Variants in SCN9A observed in about 807,000 individuals in gnomAD.
SCN9A encodes sodium voltage-gated channel alpha subunit 9.
In SCN9A, 131 loss-of-function variants were observed where a neutral mutation model predicts 187.0. That is an observed-to-expected ratio of 0.70 (90% CI 0.61 to 0.81). The LOEUF is 0.81. SCN9A is among the 30% of genes least tolerant of loss of function. SCN9A has a pLI of 0.00. For missense variants in SCN9A, 2,252 were observed against 2,396.6 expected (o/e 0.94, Z 1.26); for synonymous variants, 809 against 808.6 (o/e 1.00, Z -0.01).
rs755067851 is a variant in SCN9A at position 166,311,498 on chromosome 2, C to T, written c.258+1G>A. 6.5e-6 allele frequency: 10 copies of T among 1,546,360 alleles called. No individual in the cohort carries two copies. The highest frequency in any genetic ancestry group is 4.5e-5 in the East Asian group (2 of 44,134). On this transcript the variant is annotated splice_donor_variant, in intron 2 of 26. Coordinates refer to ENST00000642356, the MANE Select transcript of SCN9A (RefSeq NM_001365536.1). LOFTEE classifies it high-confidence loss of function. ...GACCACTGAAGTCAAAATAAACTCA[C>T]CTTTTTGTCTGCATAGTAGGGGTCC...
chr2:166,281,666 G>T lies in SCN9A; in HGVS notation c.2104+13C>A. The T allele has an allele frequency of 2.5e-6, 4 of 1,610,086 alleles. No individual in the cohort carries two copies. The highest frequency in any genetic ancestry group is 3.4e-6 in the Non-Finnish European group (4 of 1,177,812). ...TTTAAGAATCTGTACAGTAAAAGAA[G>T]ATTATTACATACCTTCCACAGTGTT... is the stretch of plus-strand genomic sequence containing the variant. On this transcript the variant is annotated intron_variant, in intron 13 of 26. Transcript: ENST00000642356.
intron 2 of SCN9A, among the ~76,000 whole-genome samples, chr2:166,308,453 CCCT>C (rs1408802691): frequency 6.6e-6 from 1 of 152,102 alleles, no homozygotes; most frequent in Non-Finnish European, 1.5e-5. Flanking sequence ...TGCGGCATTT[CCCT>C]CCTCTTTCTC....
In SCN9A at chr2:166,238,082, A is replaced by T. The variant is rs1466540026; in HGVS notation, c.3801+12T>A. On this transcript the variant is annotated intron_variant, in intron 20 of 26. Coordinates refer to ENST00000642356, the MANE Select transcript of SCN9A (RefSeq NM_001365536.1). ...ATAAATCCTCTTTTAAAATGTACTC[A>T]AAAGTACCTACATCAACAATTAGGA... 1.2e-6 allele frequency: 2 copies of T among 1,600,802 alleles called. No individual in the cohort carries two copies. Among genetic ancestry groups the T allele is most frequent in the East Asian group, 4.5e-5 (2 of 44,564 alleles).
chr2:166,277,346 G>A lies in SCN9A; in HGVS notation c.2518-7C>T. 6.4e-7 allele frequency: 1 copy of A among 1,574,436 alleles called. No homozygotes were observed. Among genetic ancestry groups the A allele is most frequent in the Non-Finnish European group, 8.7e-7 (1 of 1,149,336 alleles). On this transcript the variant is annotated splice_region_variant and splice_polypyrimidine_tract_variant and intron_variant, in intron 15 of 26. Transcript: ENST00000642356. ...CCAACTTGAAGACTCGGAGCTAAAA[G>A]CAAATATAAAGTTTAATGTTAATCA...
chr2:166,281,558 T>C (rs1388607028), intron 13 of SCN9A, 121 bp downstream of exon 13: 13 of 860,746 alleles, frequency 1.5e-5, no homozygotes, highest in Non-Finnish European at 2.1e-5. Flanking sequence ...TTTACCATCA[T>C]TTAAAACCAT....
chr2:166,220,335 T>C (rs567061878), intron 24 of SCN9A, among the ~76,000 whole-genome samples: 1 of 152,186 alleles, frequency 6.6e-6, no homozygotes. Context: ...TGTGACAGAA[T>C]TGGGAGGTGA....
intron 17 of SCN9A, among the ~76,000 whole-genome samples, chr2:166,270,328 G>A (rs895470270): frequency 1.1e-4 from 16 of 151,862 alleles, no homozygotes; most frequent in Admixed American, 1.1e-3. Context: ...AATTTAAAGT[G>A]TACATATGAG....
intron 19 of SCN9A, among the ~76,000 whole-genome samples, chr2:166,241,634 C>T (rs1030691335): frequency 1.3e-4 from 20 of 152,028 alleles, no homozygotes; most frequent in African/African-American, 3.4e-4. Flanking sequence ...AATTCCTGTT[C>T]GTCTTTCTAG....
chr2:166,288,306 G>A (rs1697880063), intron 10 of SCN9A, 131 bp downstream of exon 10: 2 of 635,340 alleles, frequency 3.1e-6, no homozygotes, highest in African/African-American at 1.8e-5. Context: ...CCAGAAATGA[G>A]GATACAGTTT....
chr2:166,277,272 G>T lies in SCN9A; in HGVS notation c.2585C>A (p.Ser862Ter). The T allele has an allele frequency of 6.2e-7, 1 of 1,614,028 alleles. No individual in the cohort carries two copies. Among genetic ancestry groups the T allele is most frequent in the Non-Finnish European group, 8.5e-7 (1 of 1,179,920 alleles). The change falls in exon 16 of 27, where the codon TCA (serine) becomes TAA (stop). Residue 862 changes from serine to a stop codon, truncating the protein, a stop_gained. Transcript: ENST00000642356. LOFTEE classifies it high-confidence loss of function. ...GGTGAGGTTACCTAGAGCCCCTACT[G>T]AGTTACCAATGATCTTAATCAGCAT... is the stretch of plus-strand genomic sequence containing the variant. Reference protein sequence around the residue: ...LNMLIKIIGNSVGALGNLTLV... With the variant: ...LNMLIKIIGN
chr2:166,265,454 A>G (rs73021676), intron 17 of SCN9A, among the ~76,000 whole-genome samples: 1 of 151,838 alleles, frequency 6.6e-6, no homozygotes, highest in African/African-American at 2.4e-5. Context: ...TTTATTTACG[A>G]TCATTTAGGT....
At chr2:166,218,316 G>A (rs1302753342) in intron 24 of SCN9A, among the ~76,000 whole-genome samples, 2 of 150,676 alleles carry the variant, frequency 1.3e-5, no homozygotes, top group Non-Finnish European at 3.0e-5. Context: ...TGTAAATGAC[G>A]AGTTAATGGG....
At chr2:166,226,544 T>C in intron 24 of SCN9A, 23 bp downstream of exon 24, 2 of 1,481,866 alleles carry the variant, frequency 1.3e-6, no homozygotes, top group South Asian at 1.3e-5. Flanking sequence ...TTCATTACAA[T>C]GAAAAATATT....
At chr2:166,339,328 T>C (rs1699709344) in intron 1 of SCN9A, among the ~76,000 whole-genome samples, 1 of 152,126 alleles carries the variant, frequency 6.6e-6, no homozygotes, top group Non-Finnish European at 1.5e-5. Flanking sequence ...CTCTGATATA[T>C]AATGTATCAC....
At chr2:166,313,087 ATAAT>A (rs1455739025) in intron 1 of SCN9A, among the ~76,000 whole-genome samples, 194 of 148,966 alleles carry the variant, frequency 1.3e-3, no homozygotes, top group African/African-American at 4.6e-3. Context: ...AGTAAATAAT[ATAAT>A]TATTATGTAA....
In SCN9A at chr2:166,272,441, A is replaced by C. The variant is rs963731908; in HGVS notation, c.3309T>G (p.Ala1103=). ...PGESDLENMN[A]EELSSDSDSE... is the part of the protein sequence containing the mutation. Reference sequence around the variant, plus strand: ...TATCCGAATCACTGCTAAGTTCCTCAGCATTCATATTTTCCAAATCGGATT... The same window carrying C: ...TATCCGAATCACTGCTAAGTTCCTCCGCATTCATATTTTCCAAATCGGATT... Residue 1103 remains alanine (A), a synonymous_variant, in exon 17 of 27, where the codon GCT becomes GCG. Coordinates refer to ENST00000642356, the MANE Select transcript of SCN9A (RefSeq NM_001365536.1). 2 of 1,608,930 alleles carry C rather than the reference A, an allele frequency of 1.2e-6. No individual in the cohort carries two copies. The highest frequency in any genetic ancestry group is 1.7e-6 in the Non-Finnish European group (2 of 1,177,028).
intron 17 of SCN9A, among the ~76,000 whole-genome samples, chr2:166,258,313 TGATA>T (rs1696364588): frequency 6.6e-6 from 1 of 151,550 alleles, no homozygotes; most frequent in African/African-American, 2.4e-5. Context: ...TATGTGTTAT[TGATA>T]GATAGGATTT....
At chr2:166,288,390 G>A (rs555808917) in intron 10 of SCN9A, 47 bp downstream of exon 10, 5 of 1,485,178 alleles carry the variant, frequency 3.4e-6, no homozygotes, top group South Asian at 2.4e-5. Context: ...TGTTGTAACC[G>A]TTTGCATTTC....
intron 7 of SCN9A, chr2:166,296,220 T>C (rs1387284665): frequency 6.6e-6 from 1 of 151,724 alleles, no homozygotes; most frequent in South Asian, 2.1e-4. Context: ...TGTTAAATAG[T>C]ATAAATAGGA....
Sources: gnomAD v4.1 joint callset for allele counts (sites outside exome capture counted in the v4.1 genomes callset) on GRCh38, gnomAD v4.1.1 for gene constraint, MANE v1.5 for transcripts, NCBI Gene and HGNC (gene_info 2026-07-23, HGNC 2026-07-21) for gene names.